Variants in CFTR observed in about 807,000 individuals in gnomAD.
CFTR encodes the protein CF transmembrane conductance regulator, also known as cystic fibrosis transmembrane conductance regulator.
Under a neutral mutation model 171.6 loss-of-function variants are expected in CFTR, and 181 were observed. The observed-to-expected ratio is 1.05, with a 90% CI of 0.93 to 1.19. CFTR has a LOEUF of 1.19. CFTR is among the 50% of genes most tolerant of loss of function. The pLI, the probability that CFTR is intolerant of heterozygous loss-of-function variation, is 0.00. For synonymous variants in CFTR, 583 were observed against 608.0 expected (o/e 0.96, Z 0.60); for missense variants, 1,968 against 1,734.7 (o/e 1.13, Z -2.39).
chr7:117,506,215 A>G (rs1335135622), intron 2 of CFTR, among the ~76,000 whole-genome samples: 1 of 152,102 alleles, frequency 6.6e-6, no homozygotes, highest in African/African-American at 2.4e-5. Flanking sequence ...AAAATAATAT[A>G]ATGGGTATTG....
At chr7:117,556,862 A>C (rs1014865921) in intron 10 of CFTR, among the ~76,000 whole-genome samples, 2 of 151,892 alleles carry the variant, frequency 1.3e-5, no homozygotes, top group Non-Finnish European at 2.9e-5. Context: ...CTTTATTGAT[A>C]CTTTTCTTCC....
At chr7:117,515,892 T>C in intron 3 of CFTR, among the ~76,000 whole-genome samples, 1 of 152,198 alleles carries the variant, frequency 6.6e-6, no homozygotes, top group East Asian at 1.9e-4. Context: ...TGTTCCTAGG[T>C]ATTTTGTTCT....
At chr7:117,489,899 A>G (rs577767189) in intron 1 of CFTR, among the ~76,000 whole-genome samples, 1 of 152,152 alleles carries the variant, frequency 6.6e-6, no homozygotes, top group Non-Finnish European at 1.5e-5. Context: ...AAATATTTCT[A>G]GAGAACACTA....
chr7:117,596,439 C>CA, intron 15 of CFTR, among the ~76,000 whole-genome samples: 1 of 152,354 alleles, frequency 6.6e-6, no homozygotes, highest in East Asian at 1.9e-4. Context: ...TGACGAGCAC[C>CA]GCCCCCTGCT....
intron 8 of CFTR, among the ~76,000 whole-genome samples, chr7:117,541,265 AAAG>A (rs1407266154): frequency 2.0e-5 from 3 of 152,204 alleles, no homozygotes; most frequent in Non-Finnish European, 2.9e-5. Flanking sequence ...AGAGAGAAAG[AAAG>A]AAGAAGAAAC....
chr7:117,591,997 A>C lies in CFTR; in HGVS notation c.1830A>C (p.Leu610Phe). 6.3e-7 allele frequency: 1 copy of C among 1,595,362 alleles called. No homozygotes were observed. Among genetic ancestry groups the C allele is most frequent in the Non-Finnish European group, 8.5e-7 (1 of 1,175,098 alleles). ...RILVTSKMEH[L>F]KKADKILILH... ...TGGTCACTTCTAAAATGGAACATTT[A>C]AAGAAAGCTGACAAAATATTAATTT... The change falls in exon 14 of 27, where the codon TTA (leucine) becomes TTC (phenylalanine). Residue 610 changes from leucine to phenylalanine, a missense_variant. Physicochemically the swap from Leu to Phe is conservative, Grantham distance 22. Transcript: ENST00000003084.
intron 24 of CFTR, among the ~76,000 whole-genome samples, chr7:117,655,677 G>A (rs559516239): frequency 6.6e-6 from 1 of 152,228 alleles, no homozygotes; most frequent in South Asian, 2.1e-4. Flanking sequence ...TTGAGTATTT[G>A]TTACAGCAGT....
chr7:117,631,326 G>GAAAT (rs1394544979), intron 22 of CFTR, among the ~76,000 whole-genome samples: 1 of 152,052 alleles, frequency 6.6e-6, no homozygotes, highest in Non-Finnish European at 1.5e-5. Flanking sequence ...TAGCTCTAGA[G>GAAAT]AAATACAGGT....
At chr7:117,538,936 A>G (rs1490264805) in intron 7 of CFTR, among the ~76,000 whole-genome samples, 2 of 152,238 alleles carry the variant, frequency 1.3e-5, no homozygotes, top group East Asian at 1.9e-4. Context: ...TTTACTTTTC[A>G]GGCTAAAAAT....
chr7:117,571,963 G>C (rs1791696684), intron 11 of CFTR, among the ~76,000 whole-genome samples: 1 of 151,446 alleles, frequency 6.6e-6, no homozygotes, highest in Non-Finnish European at 1.5e-5. Context: ...TATTTGGTCA[G>C]TTCCTATCAG....
At chr7:117,572,271 G>C (rs1441838268) in intron 11 of CFTR, among the ~76,000 whole-genome samples, 1 of 152,154 alleles carries the variant, frequency 6.6e-6, no homozygotes, top group African/African-American at 2.4e-5. Context: ...CAAAGTGCTG[G>C]AATTACAGGT....
At chr7:117,558,517 G>A (rs1799399010) in intron 10 of CFTR, among the ~76,000 whole-genome samples, 1 of 151,700 alleles carries the variant, frequency 6.6e-6, no homozygotes, top group East Asian at 1.9e-4. Flanking sequence ...TCGCGCCACT[G>A]CACTCTAGCC....
At chr7:117,521,925 T>A (rs191898183) in intron 3 of CFTR, among the ~76,000 whole-genome samples, 13 of 152,268 alleles carry the variant, frequency 8.5e-5, no homozygotes, top group African/African-American at 3.1e-4. Flanking sequence ...CTATCTTAGG[T>A]ATGCATTACA....
intron 3 of CFTR, among the ~76,000 whole-genome samples, chr7:117,518,569 C>CATATATATATAT (rs72291298): frequency 1.2e-4 from 17 of 142,098 alleles, no homozygotes; most frequent in African/African-American, 4.1e-4. Flanking sequence ...TATATAAAAA[C>CATATATATATAT]ATATATATAT....
chr7:117,510,356 A>C (rs1266057422), intron 3 of CFTR, among the ~76,000 whole-genome samples: 4 of 152,188 alleles, frequency 2.6e-5, no homozygotes, highest in African/African-American at 9.7e-5. Context: ...TTTAGAAAAT[A>C]AGTTTTGCTG....
At chr7:117,509,910 C>G (rs376231144) in intron 3 of CFTR, among the ~76,000 whole-genome samples, 3 of 152,250 alleles carry the variant, frequency 2.0e-5, no homozygotes, top group Middle Eastern at 6.8e-3. Flanking sequence ...GTTTACTTAT[C>G]ATATGGATTG....
rs1026006397 is a variant in CFTR at position 117,610,658 on chromosome 7, T to A, written c.3128T>A (p.Leu1043Gln). The A allele has an allele frequency of 3.7e-6, 6 of 1,613,394 alleles. No individual in the cohort carries two copies. The African/African-American group carries it at 4.0e-5, about 11-fold the overall frequency. Residue 1043 changes from leucine to glutamine, a missense_variant, in exon 19 of 27, where the codon CTG (leucine) becomes CAG (glutamine). Transcript: ENST00000003084. ...FLQTSQQLKQ[L>Q]ESEGRSPIFT... is the part of the protein sequence containing the mutation. ...CAAACCTCACAGCAACTCAAACAAC[T>A]GGAATCTGAAGGTATGACAGTGAAT... is the stretch of plus-strand genomic sequence containing the variant.
intron 3 of CFTR, among the ~76,000 whole-genome samples, chr7:117,515,401 A>G (rs1798582133): frequency 6.6e-6 from 1 of 152,172 alleles, no homozygotes; most frequent in African/African-American, 2.4e-5. Context: ...CCATTTACTG[A>G]ATAGGAGATC....
chr7:117,634,053 A>T (rs1442382889), intron 22 of CFTR, among the ~76,000 whole-genome samples: 1 of 152,030 alleles, frequency 6.6e-6, no homozygotes, highest in East Asian at 1.9e-4. Flanking sequence ...TTGAGAAGAG[A>T]TTGCAGAGAA....
Sources: gnomAD v4.1 joint callset for allele counts (sites outside exome capture counted in the v4.1 genomes callset) on GRCh38, gnomAD v4.1.1 for gene constraint, MANE v1.5 for transcripts, NCBI Gene and HGNC (gene_info 2026-07-23, HGNC 2026-07-21) for gene names.